Variants in EDIL3 observed in about 807,000 individuals in gnomAD.
EDIL3 encodes the protein EGF like and discoidin domains 3, also known as EGF-like repeat and discoidin I-like domain-containing protein 3.
In EDIL3, 37 loss-of-function variants were observed where a neutral mutation model predicts 67.4. That is an observed-to-expected ratio of 0.55 (90% CI 0.42 to 0.72). EDIL3 has a LOEUF of 0.72. Ranked by LOEUF, EDIL3 falls within the 30% of genes least tolerant of loss-of-function variation. EDIL3 has a pLI of 0.00. For synonymous variants in EDIL3, 195 were observed against 196.3 expected (o/e 0.99, Z 0.05); for missense variants, 527 against 586.3 (o/e 0.90, Z 1.04).
chr5:84,082,792 C>A (rs143798083), intron 6 of EDIL3, among the ~76,000 whole-genome samples: 19 of 147,196 alleles, frequency 1.3e-4, no homozygotes, highest in South Asian at 4.4e-4. Context: ...ACTAAATATT[C>A]CTTAGTTGTT....
chr5:84,354,714 CAT>C (rs1217703348), intron 1 of EDIL3, among the ~76,000 whole-genome samples: 3 of 151,566 alleles, frequency 2.0e-5, no homozygotes, highest in African/African-American at 4.9e-5. Flanking sequence ...GTAGCTTACA[CAT>C]GTTACAATTC....
At chr5:84,384,176 C>A (rs925265441) in intron 1 of EDIL3, 132 bp downstream of exon 1, 2 of 1,131,266 alleles carry the variant, frequency 1.8e-6, no homozygotes, top group Non-Finnish European at 2.5e-6. Context: ...GGACTCGACG[C>A]CTCCTCCGCG....
intron 5 of EDIL3, among the ~76,000 whole-genome samples, chr5:84,111,362 G>T (rs1208037233): frequency 3.3e-5 from 5 of 152,136 alleles, no homozygotes; most frequent in African/African-American, 1.2e-4. Flanking sequence ...AAATTAACCT[G>T]ATACCATCAT....
At chr5:84,065,998 C>T (rs189787658) in intron 7 of EDIL3, among the ~76,000 whole-genome samples, 227 of 151,580 alleles carry the variant, frequency 1.5e-3, no homozygotes, top group Admixed American at 0.012. Context: ...ACCTGTAGTC[C>T]CAGCTACTCA....
At chr5:84,317,904 T>C (rs1356273133) in intron 1 of EDIL3, among the ~76,000 whole-genome samples, 1 of 152,100 alleles carries the variant, frequency 6.6e-6, no homozygotes, top group African/African-American at 2.4e-5. Context: ...GACTGTATAT[T>C]TAGAAAACTC....
intron 4 of EDIL3, among the ~76,000 whole-genome samples, chr5:84,176,536 G>T (rs915003073): frequency 6.6e-6 from 1 of 151,332 alleles, no homozygotes; most frequent in East Asian, 1.9e-4. Flanking sequence ...GGGAAGATGG[G>T]AAGGAGTTCT....
At chr5:84,267,418 C>T (rs1452107821) in intron 1 of EDIL3, among the ~76,000 whole-genome samples, 2 of 152,068 alleles carry the variant, frequency 1.3e-5, no homozygotes, top group East Asian at 3.9e-4. Flanking sequence ...GTGGGTAATG[C>T]TTAGTGTTTC....
chr5:84,236,163 G>A (rs1382762222), intron 2 of EDIL3, among the ~76,000 whole-genome samples: 1 of 151,992 alleles, frequency 6.6e-6, no homozygotes, highest in Non-Finnish European at 1.5e-5. Flanking sequence ...CAAGCTTTGG[G>A]TTCAATTTTT....
At chr5:83,972,790 A>C (rs1416848689) in intron 9 of EDIL3, among the ~76,000 whole-genome samples, 4 of 152,100 alleles carry the variant, frequency 2.6e-5, no homozygotes, top group Admixed American at 6.6e-5. Context: ...TGATATTATA[A>C]AGATTAAATA....
intron 3 of EDIL3, among the ~76,000 whole-genome samples, chr5:84,229,563 G>A (rs1259438729): frequency 6.6e-6 from 1 of 151,824 alleles, no homozygotes; most frequent in Non-Finnish European, 1.5e-5. Context: ...TTTTCTCAAT[G>A]TTCTCATTTT....
chr5:84,116,717 A>C (rs867000103), intron 5 of EDIL3, among the ~76,000 whole-genome samples: 10 of 152,224 alleles, frequency 6.6e-5, no homozygotes, highest in Non-Finnish European at 1.5e-4. Context: ...GAATAATTCA[A>C]CATAGAACTT....
intron 3 of EDIL3, among the ~76,000 whole-genome samples, chr5:84,190,333 AC>A (rs1399554018): frequency 6.6e-6 from 1 of 151,858 alleles, no homozygotes; most frequent in Non-Finnish European, 1.5e-5. Flanking sequence ...CCTGCAAATC[AC>A]TTTTTTAAGA....
At chr5:84,125,177 C>A (rs1438861071) in intron 5 of EDIL3, among the ~76,000 whole-genome samples, 2 of 151,934 alleles carry the variant, frequency 1.3e-5, no homozygotes, top group Non-Finnish European at 2.9e-5. Context: ...AACATACAAA[C>A]TTGAAAATAG....
intron 6 of EDIL3, among the ~76,000 whole-genome samples, chr5:84,070,166 C>T (rs1447932439): frequency 4.6e-5 from 7 of 152,156 alleles, no homozygotes; most frequent in Admixed American, 4.6e-4. Flanking sequence ...CTCAACAAAA[C>T]CTTGCACTCA....
chr5:84,037,985 CTTGT>C (rs1746050354), intron 9 of EDIL3, among the ~76,000 whole-genome samples: 1 of 99,648 alleles, frequency 1.0e-5, no homozygotes, highest in Non-Finnish European at 1.8e-5. Flanking sequence ...TTCTTTCTTT[CTTGT>C]TTTTTTTTTT....
chr5:84,138,593 T>C (rs986920378), intron 4 of EDIL3, among the ~76,000 whole-genome samples: 1 of 152,182 alleles, frequency 6.6e-6, no homozygotes, highest in Non-Finnish European at 1.5e-5. Flanking sequence ...AGCAAGAAGA[T>C]CATTAAATTA....
intron 9 of EDIL3, among the ~76,000 whole-genome samples, chr5:84,020,811 C>T (rs892113776): frequency 6.6e-6 from 1 of 151,978 alleles, no homozygotes; most frequent in African/African-American, 2.4e-5. Context: ...CATTTCCTTA[C>T]CTAACTGAAA....
At chr5:84,074,038 A>T (rs59141532) in intron 6 of EDIL3, among the ~76,000 whole-genome samples, 4 of 152,028 alleles carry the variant, frequency 2.6e-5, no homozygotes, top group Admixed American at 2.0e-4. Context: ...CTCAGAAATA[A>T]TGCCGCATAT....
intron 1 of EDIL3, among the ~76,000 whole-genome samples, chr5:84,373,470 TA>T (rs1747897579): frequency 6.6e-6 from 1 of 152,152 alleles, no homozygotes; most frequent in African/African-American, 2.4e-5. Flanking sequence ...TCATTCCCTT[TA>T]AAACCCAATT....
Sources: allele counts gnomAD v4.1 joint callset (sites outside exome capture counted in the v4.1 genomes callset), GRCh38; gene constraint gnomAD v4.1.1; transcripts MANE v1.5; gene names NCBI Gene and HGNC (gene_info 2026-07-23, HGNC 2026-07-21).